The following MYOF variants were observed in gnomAD, a reference collection of about 807,000 sequenced individuals.
The protein encoded by MYOF is myoferlin.
Under a neutral mutation model 284.2 loss-of-function variants are expected in MYOF, and 244 were observed. The observed-to-expected ratio is 0.86, with a 90% CI of 0.77 to 0.95. The LOEUF (loss-of-function observed/expected upper bound fraction) is 0.95, where lower values mean the gene tolerates loss of function less well. Among genes scored for constraint, MYOF ranks in the 40% least tolerant of loss-of-function variants. The pLI is 0.00. For synonymous variants in MYOF, 904 were observed against 919.7 expected (o/e 0.98, Z 0.31); for missense variants, 2,496 against 2,560.6 (o/e 0.97, Z 0.54).
At chr10:93,466,117 G>A (rs1397061075) in intron 1 of MYOF, among the ~76,000 whole-genome samples, 2 of 152,102 alleles carry the variant, frequency 1.3e-5, no homozygotes, top group African/African-American at 2.4e-5. Context: ...TGGCAGAAAC[G>A]CCTCCACCCT....
chr10:93,437,673 T>C (rs944037973), intron 3 of MYOF, among the ~76,000 whole-genome samples: 1 of 152,182 alleles, frequency 6.6e-6, no homozygotes, highest in Admixed American at 6.5e-5. Context: ...CTAGGTCCCC[T>C]GTAGGAAACC....
intron 3 of MYOF, among the ~76,000 whole-genome samples, chr10:93,437,267 T>C (rs1849168516): frequency 6.6e-6 from 1 of 152,224 alleles, no homozygotes; most frequent in African/African-American, 2.4e-5. Flanking sequence ...CTGTTTTTTT[T>C]TTCTTCTTTC....
intron 1 of MYOF, among the ~76,000 whole-genome samples, chr10:93,473,032 T>C (rs2057185865): frequency 6.6e-6 from 1 of 152,232 alleles, no homozygotes; most frequent in Non-Finnish European, 1.5e-5. Context: ...GATGAGGAAA[T>C]GAAGGCTCGG....
At chr10:93,387,551 T>C (rs956254699) in intron 19 of MYOF, among the ~76,000 whole-genome samples, 1 of 152,166 alleles carries the variant, frequency 6.6e-6, no homozygotes. Flanking sequence ...TTATGGCCAC[T>C]TCCCCATGAC....
chr10:93,448,858 G>A (rs554299020), intron 3 of MYOF, among the ~76,000 whole-genome samples: 1 of 152,288 alleles, frequency 6.6e-6, no homozygotes, highest in South Asian at 2.1e-4. Flanking sequence ...AGCTGGGCAT[G>A]GTGGTGTGCA....
chr10:93,360,085 T>C, intron 28 of MYOF, 107 bp from the exon 29 acceptor site: 1 of 1,357,702 alleles, frequency 7.4e-7, no homozygotes, highest in South Asian at 1.3e-5. Flanking sequence ...AGATGTTCTG[T>C]ACTATCATGA....
At position 93,333,577 on chromosome 10, in the gene MYOF, G is replaced by GC. The variant is rs577334195; in HGVS notation, c.4719+180dup. On this transcript the variant is annotated intron_variant, in intron 42 of 53. Coordinates refer to ENST00000359263, the MANE Select transcript of MYOF (RefSeq NM_013451.4). ...AGAAGGATGAACCAGGGGACCTTAA[G>GC]CCCCCCGCAAGCTCTTAGATAAATC... 2.2e-4 allele frequency among the ~76,000 whole-genome samples: 33 copies of GC among 152,244 alleles called. No homozygotes were observed. The South Asian group carries it at 3.3e-3, about 15-fold the overall frequency.
intron 16 of MYOF, among the ~76,000 whole-genome samples, chr10:93,393,623 C>T (rs1846807831): frequency 6.6e-6 from 1 of 152,222 alleles, no homozygotes; most frequent in Non-Finnish European, 1.5e-5. Flanking sequence ...TTAATGACTT[C>T]TCATGAATAA....
chr10:93,385,699 T>A (rs1340197028), intron 19 of MYOF, among the ~76,000 whole-genome samples: 2 of 152,214 alleles, frequency 1.3e-5, no homozygotes, highest in Non-Finnish European at 2.9e-5. Flanking sequence ...TCACTTTTGA[T>A]TTATATTTAT....
At chr10:93,312,561 C>T (rs191924977) in intron 51 of MYOF, among the ~76,000 whole-genome samples, 1 of 151,522 alleles carries the variant, frequency 6.6e-6, no homozygotes, top group Non-Finnish European at 1.5e-5. Context: ...TGTTTTGCCA[C>T]GTTGGCCAGG....
chr10:93,336,173 C>T (rs554545775), intron 40 of MYOF, 127 bp from the exon 41 acceptor site: 24 of 1,063,508 alleles, frequency 2.3e-5, no homozygotes, highest in South Asian at 1.3e-4. Context: ...AAATCGCTGG[C>T]GGGAGTGTAG....
intron 7 of MYOF, among the ~76,000 whole-genome samples, chr10:93,406,317 T>TATATATATATATATATATATATATATATA (rs1554855587): frequency 9.0e-4 from 108 of 120,290 alleles, no homozygotes; most frequent in East Asian, 1.6e-3. Context: ...TATATATATA[T>TATATATATATATATATATATATATATATA]TTGTTTTTAT....
chr10:93,366,281 G>T, intron 26 of MYOF, 111 bp downstream of exon 26: 1 of 1,137,288 alleles, frequency 8.8e-7, no homozygotes, highest in Non-Finnish European at 1.3e-6. Context: ...GTTCTGCTCA[G>T]TGGGTGTTAC....
At chr10:93,361,917 A>G (rs1001903721) in intron 27 of MYOF, among the ~76,000 whole-genome samples, 1 of 152,218 alleles carries the variant, frequency 6.6e-6, no homozygotes, top group Non-Finnish European at 1.5e-5. Context: ...AGAACCCATC[A>G]GAGAATGGGT....
chr10:93,387,522 T>C lies in MYOF; in HGVS notation c.1698+275A>G, dbSNP rs149043344. Among the ~76,000 whole-genome samples the C allele has an allele frequency of 5.8e-3, 885 of 152,274 alleles. 6 individuals carry two copies. The highest frequency in any genetic ancestry group is 0.02 in the African/African-American group (843 of 41,558). ...TAGAGGTGGCACCTACAGCTCTTGG[T>C]GCCAGCAAGAAGTGGCTGTTATGGC... On this transcript the variant is annotated intron_variant, in intron 19 of 53. Coordinates refer to ENST00000359263, the MANE Select transcript of MYOF (RefSeq NM_013451.4).
chr10:93,425,745 G>T, intron 5 of MYOF: 1 of 332,464 alleles, frequency 3.0e-6, no homozygotes, highest in Non-Finnish European at 5.7e-6. Context: ...GAGCCAAACA[G>T]CCTGGAGACA....
chr10:93,474,080 T>C (rs2057207524), intron 1 of MYOF, among the ~76,000 whole-genome samples: 1 of 152,120 alleles, frequency 6.6e-6, no homozygotes, highest in Non-Finnish European at 1.5e-5. Flanking sequence ...ATGGCCAAAT[T>C]TGCCTGTCCA....
In MYOF at chr10:93,348,690, G is replaced by A. The variant is rs544401385; in HGVS notation, c.4084-908C>T. ...TCGCATGATAGGGAGGGGAGCATGG[G>A]CATTGGGGTTGTAAGGACCTATGTG... On this transcript the variant is annotated intron_variant, in intron 36 of 53. Coordinates refer to ENST00000359263, the MANE Select transcript of MYOF (RefSeq NM_013451.4). Among the ~76,000 whole-genome samples the A allele has an allele frequency of 6.3e-4, 96 of 152,180 alleles. No homozygotes were observed. The South Asian group carries it at 0.019, about 30-fold the overall frequency.
chr10:93,374,277 C>A (rs1231550629), intron 23 of MYOF, among the ~76,000 whole-genome samples: 1 of 152,182 alleles, frequency 6.6e-6, no homozygotes, highest in Non-Finnish European at 1.5e-5. Flanking sequence ...GACATTTGTA[C>A]ACCCACCATC....
Sources: gnomAD v4.1 joint callset for allele counts (sites outside exome capture counted in the v4.1 genomes callset) on GRCh38, gnomAD v4.1.1 for gene constraint, MANE v1.5 for transcripts, NCBI Gene and HGNC (gene_info 2026-07-23, HGNC 2026-07-21) for gene names.